Variants in ZNF804A observed in about 807,000 individuals in gnomAD.
The protein encoded by ZNF804A is zinc finger protein 804A.
A neutral mutation model predicts 16.5 loss-of-function variants in ZNF804A; 2 were observed. The ratio of observed to expected loss-of-function variants is 0.12; its 90% CI spans 0.05 to 0.38. The LOEUF is 0.38. ZNF804A is among the 10% of genes least tolerant of loss of function. The pLI is 0.99. For missense variants in ZNF804A, 1,473 were observed against 1,390.7 expected (o/e 1.06, Z -0.94); for synonymous variants, 534 against 489.6 (o/e 1.09, Z -1.20).
intron 1 of ZNF804A, among the ~76,000 whole-genome samples, chr2:184,840,898 AAC>A (rs1278527929): frequency 6.6e-6 from 1 of 152,092 alleles, no homozygotes; most frequent in Non-Finnish European, 1.5e-5. Context: ...TTACCCCTGA[AAC>A]ACCACCATTT....
chr2:184,712,023 G>T (rs1386934984), intron 1 of ZNF804A, among the ~76,000 whole-genome samples: 1 of 151,522 alleles, frequency 6.6e-6, no homozygotes, highest in Non-Finnish European at 1.5e-5. Flanking sequence ...ATTTTGATAG[G>T]GATTTCATTG....
intron 2 of ZNF804A, among the ~76,000 whole-genome samples, chr2:184,903,213 T>G (rs1359644256): frequency 6.6e-6 from 1 of 152,186 alleles, no homozygotes; most frequent in South Asian, 2.1e-4. Flanking sequence ...TCATCAAATC[T>G]GACTCAGTAG....
intron 1 of ZNF804A, among the ~76,000 whole-genome samples, chr2:184,686,550 G>T (rs1380954271): frequency 6.6e-6 from 1 of 152,156 alleles, no homozygotes; most frequent in East Asian, 1.9e-4. Flanking sequence ...TTTCCTTTGG[G>T]TATATGCCCA....
intron 1 of ZNF804A, among the ~76,000 whole-genome samples, chr2:184,616,624 C>T (rs1453147239): frequency 2.0e-5 from 3 of 152,140 alleles, no homozygotes; most frequent in South Asian, 2.1e-4. Context: ...TAGGTGCTTT[C>T]GGGAGTCTAG....
Position 184,936,111 on chromosome 2 carries a change from G to T in ZNF804A, c.715G>T (p.Asp239Tyr). 7 of 1,614,064 alleles carry T rather than the reference G, an allele frequency of 4.3e-6. No individual in the cohort carries two copies. Among genetic ancestry groups the T allele is most frequent in the Non-Finnish European group, 5.9e-6 (7 of 1,179,966 alleles). The change falls in exon 4 of 4, where the codon GAT becomes TAT. Residue 239 changes from aspartate (D) to tyrosine (Y), a missense_variant. Transcript: ENST00000302277. ...SAAAFSEYSD[D>Y]ASVGKGFSRK... ...TGCAGCCTTCTCTGAATACAGTGAT[G>T]ATGCCTCAGTGGGAAAAGGATTTAG...
chr2:184,604,119 G>A (rs910270066), intron 1 of ZNF804A, among the ~76,000 whole-genome samples: 1 of 107,452 alleles, frequency 9.3e-6, no homozygotes, highest in Non-Finnish European at 1.8e-5. Context: ...TGCACCAATA[G>A]TTTCAGGTTA....
At chr2:184,678,276 G>C (rs1692474099) in intron 1 of ZNF804A, among the ~76,000 whole-genome samples, 1 of 152,028 alleles carries the variant, frequency 6.6e-6, no homozygotes. Context: ...CTAATCATGT[G>C]AGTGATTTTT....
intron 1 of ZNF804A, among the ~76,000 whole-genome samples, chr2:184,791,089 G>A (rs1304955684): frequency 3.3e-5 from 5 of 152,096 alleles, no homozygotes; most frequent in African/African-American, 1.2e-4. Flanking sequence ...TGGGTCTCTT[G>A]TGGACAGCAG....
chr2:184,919,586 C>T (rs1026355017), intron 2 of ZNF804A, among the ~76,000 whole-genome samples: 3 of 152,172 alleles, frequency 2.0e-5, no homozygotes, highest in African/African-American at 4.8e-5. Flanking sequence ...CTGTTTTTCT[C>T]CCATTCACAG....
chr2:184,856,811 A>G (rs184919137), intron 1 of ZNF804A, among the ~76,000 whole-genome samples: 108 of 152,256 alleles, frequency 7.1e-4, no homozygotes, highest in African/African-American at 2.5e-3. Context: ...CCCATCCCCA[A>G]GATATCTCAT....
intron 2 of ZNF804A, among the ~76,000 whole-genome samples, chr2:184,878,913 T>G (rs979661101): frequency 2.2e-4 from 34 of 152,124 alleles, no homozygotes; most frequent in Non-Finnish European, 3.4e-4. Flanking sequence ...TGATCATGAA[T>G]AAAGTCTATG....
At chr2:184,677,465 A>T (rs1692457837) in intron 1 of ZNF804A, among the ~76,000 whole-genome samples, 1 of 151,988 alleles carries the variant, frequency 6.6e-6, no homozygotes, top group Admixed American at 6.6e-5. Flanking sequence ...CATCTGAGAT[A>T]GAACAGATCT....
At chr2:184,759,179 CAT>C (rs897104760) in intron 1 of ZNF804A, among the ~76,000 whole-genome samples, 2 of 149,700 alleles carry the variant, frequency 1.3e-5, no homozygotes, top group African/African-American at 4.9e-5. Flanking sequence ...TCATAACAAT[CAT>C]AGGGAACCAA....
chr2:184,738,522 T>A (rs569397925), intron 1 of ZNF804A, among the ~76,000 whole-genome samples: 428 of 152,332 alleles, frequency 2.8e-3, no homozygotes, highest in African/African-American at 1.0e-2. Flanking sequence ...AAGGCATTAT[T>A]GTAAATTAGA....
chr2:184,702,113 G>C (rs1288101619), intron 1 of ZNF804A, among the ~76,000 whole-genome samples: 1 of 151,862 alleles, frequency 6.6e-6, no homozygotes, highest in Non-Finnish European at 1.5e-5. Flanking sequence ...AACTATACTT[G>C]TTTTCTTTTT....
chr2:184,804,078 C>T (rs2105783880), intron 1 of ZNF804A, among the ~76,000 whole-genome samples: 1 of 152,160 alleles, frequency 6.6e-6, no homozygotes, highest in East Asian at 1.9e-4. Context: ...GTTGGTCAGG[C>T]TGGTCTTGAA....
At chr2:184,811,449 T>TGG (rs10650226) in intron 1 of ZNF804A, among the ~76,000 whole-genome samples, 121,821 of 151,708 alleles carry the variant, frequency 0.8, 49,071 homozygotes, top group East Asian at 0.86. Context: ...ATTAGTATCA[T>TGG]TATTAGATAC....
intron 1 of ZNF804A, among the ~76,000 whole-genome samples, chr2:184,762,945 T>C (rs1449224944): frequency 3.9e-5 from 6 of 152,178 alleles, no homozygotes. Context: ...ATGAAAGAAG[T>C]CTTAAAGCTT....
chr2:184,681,694 G>A (rs1692542572), intron 1 of ZNF804A, among the ~76,000 whole-genome samples: 2 of 152,230 alleles, frequency 1.3e-5, no homozygotes, highest in Non-Finnish European at 2.9e-5. Flanking sequence ...AACAGGGGAA[G>A]TGCAGCCCGG....
Sources: allele counts gnomAD v4.1 joint callset (sites outside exome capture counted in the v4.1 genomes callset), GRCh38; gene constraint gnomAD v4.1.1; transcripts MANE v1.5; gene names NCBI Gene and HGNC (gene_info 2026-07-23, HGNC 2026-07-21).